The following FHIT variants were observed in gnomAD, a reference collection of about 807,000 sequenced individuals.
The protein encoded by FHIT is fragile histidine triad diadenosine triphosphatase, also known as bis(5'-adenosyl)-triphosphatase.
A neutral mutation model predicts 17.9 loss-of-function variants in FHIT; 19 were observed. The observed-to-expected ratio is 1.06, with a 90% CI of 0.74 to 1.56. The LOEUF (loss-of-function observed/expected upper bound fraction) is 1.56, where lower values mean the gene tolerates loss of function less well. Among genes scored for constraint, FHIT ranks in the 40% most tolerant of loss-of-function variants. FHIT has a pLI of 0.00. For synonymous variants in FHIT, 81 were observed against 69.7 expected, an observed-to-expected ratio of 1.16 and a Z score of -0.81; for missense variants, 248 against 189.2, an observed-to-expected ratio of 1.31 and a Z score of -1.82.
chr3:59,828,843 CTCTCTGTGTGTG>C (rs946341759), intron 8 of FHIT, among the ~76,000 whole-genome samples: 15 of 146,782 alleles, frequency 1.0e-4, no homozygotes, highest in African/African-American at 3.4e-4. Context: ...CAATGGTACT[CTCTCTGTGTGTG>C]TGTGTGTGTG....
intron 4 of FHIT, among the ~76,000 whole-genome samples, chr3:60,622,750 G>C (rs2039169594): frequency 6.6e-6 from 1 of 152,204 alleles, no homozygotes; most frequent in Non-Finnish European, 1.5e-5. Flanking sequence ...AAGCATGCCT[G>C]CTTTACGCTA....
At chr3:60,559,471 G>T (rs893084230) in intron 4 of FHIT, among the ~76,000 whole-genome samples, 1 of 152,050 alleles carries the variant, frequency 6.6e-6, no homozygotes, top group Admixed American at 6.6e-5. Context: ...GTCCCCTCTT[G>T]CCTTGATGCA....
At chr3:60,486,490 C>A (rs1453400165) in intron 5 of FHIT, among the ~76,000 whole-genome samples, 1 of 152,062 alleles carries the variant, frequency 6.6e-6, no homozygotes, top group African/African-American at 2.4e-5. Context: ...GTTTAGGATC[C>A]ATCAGCAAAT....
At chr3:60,150,664 T>A (rs925533358) in intron 5 of FHIT, among the ~76,000 whole-genome samples, 11 of 152,168 alleles carry the variant, frequency 7.2e-5, no homozygotes, top group Non-Finnish European at 1.6e-4. Flanking sequence ...ACACCTGCAA[T>A]CCCAGAACTT....
intron 5 of FHIT, among the ~76,000 whole-genome samples, chr3:60,376,924 T>G (rs962335670): frequency 2.6e-5 from 4 of 152,176 alleles, no homozygotes; most frequent in African/African-American, 9.7e-5. Context: ...TGGTTATAAT[T>G]CAGTGGGAAA....
chr3:60,189,452 CATACTTTAG>C lies in FHIT; in HGVS notation c.104-175309_104-175301del, dbSNP rs146421257. 8.5e-3 allele frequency among the ~76,000 whole-genome samples: 1,289 copies of C among 152,216 alleles called. 7 individuals carry two copies. Among genetic ancestry groups the C allele is most frequent in the Middle Eastern group, 0.02 (6 of 294 alleles). The stretch of plus-strand genomic sequence containing the variant: ...AATCAATCATTCAGGCTTTTAGTTT[CATACTTTAG>C]ATACTTTAGGGCAATTCTGCTGAAT... On this transcript the variant is annotated intron_variant, in intron 5 of 9. Coordinates refer to ENST00000492590, the MANE Select transcript of FHIT (RefSeq NM_002012.4).
In FHIT at chr3:60,901,525, C is replaced by A. The variant is rs114441255; in HGVS notation, c.-110-79514G>T. On this transcript the variant is annotated intron_variant, in intron 3 of 9. Coordinates refer to ENST00000492590, the MANE Select transcript of FHIT (RefSeq NM_002012.4). ...TTTAAAGAATAACTCTAAGTCATTA[C>A]ACATCAAATAAACATTGACGGCAAA... Among the ~76,000 whole-genome samples the A allele has an allele frequency of 4.5e-3, 682 of 152,288 alleles. 5 individuals are homozygous for A. The highest frequency in any genetic ancestry group is 0.014 in the African/African-American group (592 of 41,558).
At chr3:60,997,536 T>G (rs2030761036) in intron 3 of FHIT, among the ~76,000 whole-genome samples, 1 of 152,102 alleles carries the variant, frequency 6.6e-6, no homozygotes, top group African/African-American at 2.4e-5. Flanking sequence ...CTTTTCCTAG[T>G]CATCTCTGGA....
At chr3:60,807,481 T>C (rs1041770235) in intron 4 of FHIT, among the ~76,000 whole-genome samples, 1 of 151,858 alleles carries the variant, frequency 6.6e-6, no homozygotes, top group African/African-American at 2.4e-5. Context: ...CTTAACTACT[T>C]ATGAAGCTGA....
chr3:60,384,131 G>A (rs1487151876), intron 5 of FHIT, among the ~76,000 whole-genome samples: 3 of 152,042 alleles, frequency 2.0e-5, no homozygotes, highest in Non-Finnish European at 4.4e-5. Context: ...AGACGAGTGT[G>A]GTGCTGCGTG....
In FHIT at chr3:60,120,860, C is replaced by T. The variant is rs551532240; in HGVS notation, c.104-106708G>A. ...CAGCTAAGTGATTTTTTTTTTCCAC[C>T]ATTTGCTCACATAGCAGCGAACAAC... On this transcript the variant is annotated intron_variant, in intron 5 of 9. Transcript: ENST00000492590. 1.8e-3 allele frequency among the ~76,000 whole-genome samples: 273 copies of T among 150,870 alleles called. 1 individual carries two copies. Among genetic ancestry groups the T allele is most frequent in the African/African-American group, 6.3e-3 (257 of 40,902 alleles).
chr3:59,905,259 A>G (rs1364661265), intron 8 of FHIT, among the ~76,000 whole-genome samples: 1 of 152,206 alleles, frequency 6.6e-6, no homozygotes. Context: ...GGCAGGAAAA[A>G]AGAATTGATA....
At position 59,861,538 on chromosome 3, in the gene FHIT, C is replaced by T. The variant is rs144343595; in HGVS notation, c.348+60808G>A. Among the ~76,000 whole-genome samples, 560 of 152,316 alleles carry T rather than the reference C, an allele frequency of 3.7e-3. 5 individuals are homozygous for T. The highest frequency in any genetic ancestry group is 6.2e-3 in the Non-Finnish European group (423 of 68,030). On this transcript the variant is annotated intron_variant, in intron 8 of 9. Transcript: ENST00000492590. ...TTAAAAATTTCCCCATCATTATTAG[C>T]ACTTCTGCCAAATAATCACTAACTA...
At chr3:60,676,586 C>T (rs1364154265) in intron 4 of FHIT, among the ~76,000 whole-genome samples, 7 of 152,156 alleles carry the variant, frequency 4.6e-5, no homozygotes, top group African/African-American at 1.7e-4. Flanking sequence ...CCTAATGTGT[C>T]ACCTAGAGAA....
chr3:60,058,875 T>C (rs987119718), intron 5 of FHIT, among the ~76,000 whole-genome samples: 14 of 152,206 alleles, frequency 9.2e-5, no homozygotes. Context: ...TTCTGGGAAA[T>C]GTGAATTGGG....
chr3:60,136,206 C>T (rs1699811216), intron 5 of FHIT, among the ~76,000 whole-genome samples: 1 of 152,114 alleles, frequency 6.6e-6, no homozygotes, highest in Admixed American at 6.5e-5. Flanking sequence ...ACTGGCACAA[C>T]ACAAGGAGAG....
chr3:60,359,277 C>CTTTTTT lies in FHIT; in HGVS notation c.103+177577_103+177582dup, dbSNP rs71089599. On this transcript the variant is annotated intron_variant, in intron 5 of 9. Transcript: ENST00000492590. ...TATTATTACTTGAATATGAAAATAT[C>CTTTTTT]TTTTTTTTTTTTTTTTTTTTTTGAG... is the stretch of plus-strand genomic sequence containing the variant. Among the ~76,000 whole-genome samples the CTTTTTT allele has an allele frequency of 5.2e-3, 573 of 109,888 alleles. 19 individuals are homozygous for CTTTTTT. Among genetic ancestry groups the CTTTTTT allele is most frequent in the African/African-American group, 0.018 (523 of 28,656 alleles). 72.1% of individuals were successfully genotyped at this position (109,888 alleles called of 152,430 possible). A position where few individuals can be genotyped will look rare whatever the true frequency, so the allele number is the denominator to read the frequency against.
intron 8 of FHIT, among the ~76,000 whole-genome samples, chr3:59,896,830 A>AT (rs2107049433): frequency 6.6e-6 from 1 of 152,296 alleles, no homozygotes; most frequent in Non-Finnish European, 1.5e-5. Flanking sequence ...GAATACGAGT[A>AT]TGACATTACT....
intron 4 of FHIT, among the ~76,000 whole-genome samples, chr3:60,612,212 GCTAA>G (rs1553673891): frequency 2.0e-5 from 3 of 152,108 alleles, no homozygotes; most frequent in African/African-American, 7.2e-5. Context: ...TGAGTCATGA[GCTAA>G]CTGTGAAACT....
Sources: allele counts gnomAD v4.1 joint callset (sites outside exome capture counted in the v4.1 genomes callset), GRCh38; gene constraint gnomAD v4.1.1; transcripts MANE v1.5; gene names NCBI Gene and HGNC (gene_info 2026-07-23, HGNC 2026-07-21).